The following PDK1 variants were observed in gnomAD, a reference collection of about 807,000 sequenced individuals.
The protein encoded by PDK1 is [Pyruvate dehydrogenase (acetyl-transferring)] kinase isozyme 1, mitochondrial.
In PDK1, 39 loss-of-function variants were observed where a neutral mutation model predicts 54.2. The ratio of observed to expected loss-of-function variants is 0.72; its 90% CI spans 0.56 to 0.94. The LOEUF (loss-of-function observed/expected upper bound fraction) is 0.94. Among genes scored for constraint, PDK1 ranks in the 40% least tolerant of loss-of-function variants. The pLI is 0.00. For missense variants in PDK1, 552 were observed against 566.0 expected, an observed-to-expected ratio of 0.98 and a Z score of 0.25; for synonymous variants, 221 against 207.1, an observed-to-expected ratio of 1.07 and a Z score of -0.58.
the PDK1 span, among the ~76,000 whole-genome samples, chr2:172,618,319 T>C: frequency 2.0e-5 from 3 of 152,148 alleles, no homozygotes; most frequent in Admixed American, 6.5e-5. Flanking sequence ...GAATGAGATA[T>C]TTTGAAAAAT....
At chr2:172,668,161 T>C in the PDK1 span, among the ~76,000 whole-genome samples, 2 of 152,142 alleles carry the variant, frequency 1.3e-5, no homozygotes, top group African/African-American at 2.4e-5. Context: ...ATATGAATCA[T>C]AGCAAGCCTC....
the PDK1 span, among the ~76,000 whole-genome samples, chr2:172,618,471 C>T: frequency 6.6e-6 from 1 of 152,284 alleles, no homozygotes; most frequent in South Asian, 2.1e-4. Context: ...CTTTAATAAT[C>T]ATCATCTGGT....
intron 4 of PDK1, 21 bp from the exon 5 acceptor site, chr2:172,564,957 G>GT (rs749363874): frequency 1.0e-5 from 16 of 1,560,964 alleles, no homozygotes; most frequent in Middle Eastern, 1.7e-4. Flanking sequence ...TATTTTGTTG[G>GT]TTTTTTTCCT....
At chr2:172,669,818 G>C in the PDK1 span, among the ~76,000 whole-genome samples, 1 of 152,158 alleles carries the variant, frequency 6.6e-6, no homozygotes, top group Non-Finnish European at 1.5e-5. Context: ...GAGACATCTG[G>C]TTGAGTCTCT....
chr2:172,617,010 C>T, the PDK1 span, among the ~76,000 whole-genome samples: 4 of 152,220 alleles, frequency 2.6e-5, no homozygotes, highest in Admixed American at 1.3e-4. Context: ...AGTGCAGTGG[C>T]GTGATCTCGG....
At chr2:172,664,576 T>A in the PDK1 span, among the ~76,000 whole-genome samples, 1 of 152,136 alleles carries the variant, frequency 6.6e-6, no homozygotes, top group Admixed American at 6.5e-5. Flanking sequence ...TTTCCCACTC[T>A]ATAAAGTTAT....
At chr2:172,670,872 C>T in the PDK1 span, among the ~76,000 whole-genome samples, 16 of 152,218 alleles carry the variant, frequency 1.1e-4, no homozygotes, top group African/African-American at 3.6e-4. Context: ...AAGGCACGAA[C>T]GTCCCTCCCA....
the PDK1 span, among the ~76,000 whole-genome samples, chr2:172,638,026 G>T: frequency 5.3e-5 from 8 of 152,054 alleles, no homozygotes; most frequent in Non-Finnish European, 8.8e-5. Flanking sequence ...GGAGTAGGGA[G>T]GAAGCTGATA....
chr2:172,699,340 A>G, the PDK1 span, among the ~76,000 whole-genome samples: 1 of 152,256 alleles, frequency 6.6e-6, no homozygotes, highest in African/African-American at 2.4e-5. Flanking sequence ...CAACTGAGTA[A>G]AACTAGAGCT....
the PDK1 span, among the ~76,000 whole-genome samples, chr2:172,641,027 T>A: frequency 6.7e-6 from 1 of 149,494 alleles, no homozygotes; most frequent in East Asian, 2.0e-4. Context: ...TCTTTTCTTT[T>A]TCTTTCTCTT....
At chr2:172,594,014 G>C (rs1254649028) in intron 10 of PDK1, among the ~76,000 whole-genome samples, 2 of 151,670 alleles carry the variant, frequency 1.3e-5, no homozygotes, top group Non-Finnish European at 2.9e-5. Flanking sequence ...GAGGGAAAAG[G>C]GCAACATCAA....
chr2:172,640,058 G>A, the PDK1 span, among the ~76,000 whole-genome samples: 1 of 152,214 alleles, frequency 6.6e-6, no homozygotes, highest in Non-Finnish European at 1.5e-5. Flanking sequence ...AAGGAGATAG[G>A]ACTGGATTAT....
the PDK1 span, among the ~76,000 whole-genome samples, chr2:172,629,000 T>C: frequency 1.3e-5 from 2 of 152,104 alleles, no homozygotes; most frequent in African/African-American, 4.8e-5. Flanking sequence ...TGTTAGTGCA[T>C]GCCTGTGGTC....
At chr2:172,626,319 G>A in the PDK1 span, among the ~76,000 whole-genome samples, 1 of 151,424 alleles carries the variant, frequency 6.6e-6, no homozygotes. Flanking sequence ...TAATAATGGG[G>A]GTGATTAAAA....
At position 172,571,823 on chromosome 2, in the gene PDK1, C is replaced by CGTTTTTTTTTTTTTTTTTTTTTT. The variant is rs765005051; in HGVS notation, c.945+999_945+1000insGTTTTTTTTTTTTTTTTTTTTTT. Among the ~76,000 whole-genome samples, 7 of 99,784 alleles carry CGTTTTTTTTTTTTTTTTTTTTTT rather than the reference C, an allele frequency of 7.0e-5. 2 individuals are homozygous for CGTTTTTTTTTTTTTTTTTTTTTT. The highest frequency in any genetic ancestry group is 1.6e-4 in the African/African-American group (4 of 25,584). The allele number at this position is 99,784 out of a possible 152,430, so 65.5% of individuals were successfully genotyped here. The stretch of plus-strand genomic sequence containing the variant: ...CTCAGAGATTCTTAGTCTTTCTTTA[C>CGTTTTTTTTTTTTTTTTTTTTTT]TTTTTTTTTTTTTTTTTTTTTTTTT... On this transcript the variant is annotated intron_variant, in intron 8 of 10. Transcript: ENST00000282077.
chr2:172,572,598 C>T (rs1237055441), intron 8 of PDK1, among the ~76,000 whole-genome samples: 2 of 151,988 alleles, frequency 1.3e-5, no homozygotes, highest in Admixed American at 6.6e-5. Context: ...TGGTGGCAGG[C>T]GCCTGTAATC....
chr2:172,717,614 C>T, the PDK1 span, among the ~76,000 whole-genome samples: 371 of 152,240 alleles, frequency 2.4e-3, 3 homozygotes, highest in African/African-American at 8.3e-3. Context: ...AGTGCAGTGG[C>T]GTAATGTCGG....
At chr2:172,676,229 T>A in the PDK1 span, among the ~76,000 whole-genome samples, 6 of 152,194 alleles carry the variant, frequency 3.9e-5, no homozygotes, top group Admixed American at 3.9e-4. Context: ...AGTCCATGGA[T>A]TCAGGAGTAA....
the PDK1 span, among the ~76,000 whole-genome samples, chr2:172,691,631 C>G: frequency 1.6e-4 from 24 of 152,192 alleles, no homozygotes; most frequent in Non-Finnish European, 3.2e-4. Flanking sequence ...ATAGTTTTGC[C>G]TTTTGCAGAA....
Sources: allele counts gnomAD v4.1 joint callset (sites outside exome capture counted in the v4.1 genomes callset), GRCh38; gene constraint gnomAD v4.1.1; transcripts MANE v1.5; gene names NCBI Gene and HGNC (gene_info 2026-07-23, HGNC 2026-07-21).